The following NRG3 variants were observed in gnomAD, a reference collection of about 807,000 sequenced individuals.
NRG3 encodes the protein pro-neuregulin-3, membrane-bound isoform.
Under a neutral mutation model 66.9 loss-of-function variants are expected in NRG3, and 31 were observed. The observed-to-expected ratio is 0.46, with a 90% CI of 0.35 to 0.63. The LOEUF (loss-of-function observed/expected upper bound fraction) is 0.63, where lower values mean the gene tolerates loss of function less well. NRG3 is among the 20% of genes least tolerant of loss of function. The pLI, the probability that NRG3 is intolerant of heterozygous loss-of-function variation, is 0.00. For synonymous variants in NRG3, 393 were observed against 359.4 expected (o/e 1.09, Z -1.06); for missense variants, 910 against 878.9 (o/e 1.04, Z -0.45).
chr10:82,882,329 T>C (rs1314123539), intron 4 of NRG3, among the ~76,000 whole-genome samples: 2 of 152,196 alleles, frequency 1.3e-5, no homozygotes, highest in Non-Finnish European at 2.9e-5. Flanking sequence ...CAAATCCCAT[T>C]GTCTAAATCA....
At chr10:82,095,698 T>A (rs1039137737) in intron 1 of NRG3, among the ~76,000 whole-genome samples, 3 of 152,220 alleles carry the variant, frequency 2.0e-5, no homozygotes, top group African/African-American at 7.2e-5. Context: ...TCTCTGTCAA[T>A]GCATCAGGTT....
chr10:82,359,599 G>T (rs1423668225), intron 2 of NRG3, among the ~76,000 whole-genome samples: 1 of 152,144 alleles, frequency 6.6e-6, no homozygotes, highest in Non-Finnish European at 1.5e-5. Flanking sequence ...CTCAATAGAA[G>T]AATCAAATTA....
At chr10:82,259,220 C>A (rs1177164705) in intron 1 of NRG3, among the ~76,000 whole-genome samples, 1 of 152,170 alleles carries the variant, frequency 6.6e-6, no homozygotes, top group Non-Finnish European at 1.5e-5. Flanking sequence ...TTTTTCACTT[C>A]AGTTCACTTT....
At chr10:82,812,167 G>A (rs112596923) in intron 3 of NRG3, among the ~76,000 whole-genome samples, 83 of 151,582 alleles carry the variant, frequency 5.5e-4, no homozygotes, top group African/African-American at 1.9e-3. Flanking sequence ...GTTCCAGTTC[G>A]CTATGTCTGT....
chr10:82,491,316 A>ATATATATATATATATATACATATATAT (rs1389375279), intron 2 of NRG3, among the ~76,000 whole-genome samples: 22 of 136,756 alleles, frequency 1.6e-4, no homozygotes, highest in Non-Finnish European at 3.0e-4. Flanking sequence ...ATATATATAT[A>ATATATATATATATATATACATATATAT]AAATAAAGAT....
chr10:82,914,414 C>T (rs1845636149), intron 4 of NRG3, among the ~76,000 whole-genome samples: 1 of 151,864 alleles, frequency 6.6e-6, no homozygotes, highest in South Asian at 2.1e-4. Flanking sequence ...ATAAGTAAGC[C>T]TTTAGTGTGA....
At chr10:82,093,621 C>T (rs888895406) in intron 1 of NRG3, among the ~76,000 whole-genome samples, 1 of 152,172 alleles carries the variant, frequency 6.6e-6, no homozygotes, top group Non-Finnish European at 1.5e-5. Flanking sequence ...CTCACAACAA[C>T]CCACTTCTTG....
chr10:82,846,629 G>T (rs1272096600), intron 3 of NRG3, among the ~76,000 whole-genome samples: 2 of 152,154 alleles, frequency 1.3e-5, no homozygotes, highest in Non-Finnish European at 2.9e-5. Flanking sequence ...GGAAGATTTT[G>T]AGAGTAATGT....
chr10:82,969,535 A>G (rs1028451915), intron 6 of NRG3, among the ~76,000 whole-genome samples: 2 of 152,132 alleles, frequency 1.3e-5, no homozygotes, highest in Non-Finnish European at 2.9e-5. Flanking sequence ...ATTTTCCTCC[A>G]TTTTGCAAAA....
intron 1 of NRG3, among the ~76,000 whole-genome samples, chr10:82,289,467 T>C (rs1023557994): frequency 6.7e-6 from 1 of 149,418 alleles, no homozygotes; most frequent in African/African-American, 2.4e-5. Context: ...ATATCTGCGA[T>C]AGACTTATTA....
intron 1 of NRG3, among the ~76,000 whole-genome samples, chr10:82,030,850 C>A (rs917306698): frequency 6.6e-6 from 1 of 151,990 alleles, no homozygotes; most frequent in African/African-American, 2.4e-5. Context: ...GAGTAATGAG[C>A]TCAATTCACT....
At chr10:82,880,859 T>C (rs1446445466) in intron 4 of NRG3, among the ~76,000 whole-genome samples, 1 of 152,228 alleles carries the variant, frequency 6.6e-6, no homozygotes, top group Non-Finnish European at 1.5e-5. Context: ...TTTTTGAGTA[T>C]TTTATCTGGC....
intron 1 of NRG3, among the ~76,000 whole-genome samples, chr10:82,305,252 C>T (rs2080659553): frequency 6.6e-6 from 1 of 152,064 alleles, no homozygotes; most frequent in South Asian, 2.1e-4. Flanking sequence ...ACCTTGGCCT[C>T]CCAAAGTGCT....
At chr10:82,350,688 A>G (rs547826391) in intron 1 of NRG3, among the ~76,000 whole-genome samples, 1 of 152,344 alleles carries the variant, frequency 6.6e-6, no homozygotes, top group Non-Finnish European at 1.5e-5. Context: ...AAAAGTCGCC[A>G]TATGTGTTCC....
At chr10:82,095,300 C>CAA (rs11351940) in intron 1 of NRG3, among the ~76,000 whole-genome samples, 14 of 148,680 alleles carry the variant, frequency 9.4e-5, no homozygotes, top group South Asian at 2.1e-4. Flanking sequence ...TTGCTTAAGC[C>CAA]AAAAAAAAAA....
intron 2 of NRG3, among the ~76,000 whole-genome samples, chr10:82,519,582 T>C (rs1238285930): frequency 2.0e-5 from 3 of 152,186 alleles, no homozygotes; most frequent in African/African-American, 7.2e-5. Context: ...ATGTCCTCAG[T>C]ACCCAGCCTG....
At chr10:82,304,408 A>T (rs985440586) in intron 1 of NRG3, among the ~76,000 whole-genome samples, 2 of 152,212 alleles carry the variant, frequency 1.3e-5, no homozygotes, top group Non-Finnish European at 1.5e-5. Flanking sequence ...AGTAATTTAT[A>T]GATAAAAATT....
intron 1 of NRG3, among the ~76,000 whole-genome samples, chr10:82,146,413 G>T (rs1320075508): frequency 2.0e-5 from 3 of 152,056 alleles, no homozygotes; most frequent in African/African-American, 7.2e-5. Context: ...TCTCTAGTAA[G>T]CAAGCCAGTG....
chr10:82,327,827 G>C (rs970910903), intron 1 of NRG3, among the ~76,000 whole-genome samples: 1 of 152,182 alleles, frequency 6.6e-6, no homozygotes, highest in African/African-American at 2.4e-5. Flanking sequence ...CCGAGATCAA[G>C]GTTTGGCAGG....
Sources: gnomAD v4.1 joint callset for allele counts (sites outside exome capture counted in the v4.1 genomes callset) on GRCh38, gnomAD v4.1.1 for gene constraint, MANE v1.5 for transcripts, NCBI Gene and HGNC (gene_info 2026-07-23, HGNC 2026-07-21) for gene names.